Variants in EYA1 observed in about 807,000 individuals in gnomAD.
EYA1 encodes protein phosphatase EYA1.
EYA1 carries 16 observed loss-of-function variants against 82.0 expected under a neutral mutation model. The observed-to-expected ratio is 0.20, with a 90% confidence interval of 0.13 to 0.30. EYA1 has a LOEUF of 0.30. EYA1 is among the 10% of genes least tolerant of loss of function. The pLI, the probability that EYA1 is intolerant of heterozygous loss-of-function variation, is 1.00. For synonymous variants in EYA1, 261 were observed against 264.4 expected (o/e 0.99, Z 0.12); for missense variants, 633 against 730.7 (o/e 0.87, Z 1.54).
intron 9 of EYA1, among the ~76,000 whole-genome samples, chr8:71,277,885 A>T (rs1817384381): frequency 6.6e-6 from 1 of 152,270 alleles, no homozygotes; most frequent in Admixed American, 6.5e-5. Flanking sequence ...TTAAGAGCTC[A>T]TTTAAAAGTT....
At chr8:71,267,738 C>A (rs542864491) in intron 11 of EYA1, among the ~76,000 whole-genome samples, 71 of 152,108 alleles carry the variant, frequency 4.7e-4, no homozygotes, top group African/African-American at 1.5e-3. Context: ...TTAGTAGAGA[C>A]GGGGTTTCAC....
intron 2 of EYA1, among the ~76,000 whole-genome samples, chr8:71,478,427 A>T (rs534529430): frequency 1.8e-4 from 27 of 152,306 alleles, no homozygotes; most frequent in African/African-American, 6.3e-4. Flanking sequence ...ACAGAGAGGT[A>T]AAAAACAGAA....
intron 2 of EYA1, among the ~76,000 whole-genome samples, chr8:71,513,302 G>A (rs1035749437): frequency 3.3e-5 from 5 of 152,026 alleles, no homozygotes; most frequent in African/African-American, 1.2e-4. Context: ...TCTTGACAAT[G>A]TCAAAAGATT....
chr8:71,464,540 T>C (rs1354698890), intron 2 of EYA1, among the ~76,000 whole-genome samples: 1 of 152,196 alleles, frequency 6.6e-6, no homozygotes, highest in Non-Finnish European at 1.5e-5. Flanking sequence ...CCAATAGATA[T>C]AGACAGAAAA....
intron 2 of EYA1, among the ~76,000 whole-genome samples, chr8:71,505,085 T>A (rs1355985658): frequency 6.6e-6 from 1 of 152,196 alleles, no homozygotes; most frequent in African/African-American, 2.4e-5. Context: ...CCACCATGCC[T>A]ACCTGCCTCT....
At chr8:71,214,950 C>T (rs1164374726) in intron 16 of EYA1, among the ~76,000 whole-genome samples, 1 of 152,170 alleles carries the variant, frequency 6.6e-6, no homozygotes, top group Non-Finnish European at 1.5e-5. Flanking sequence ...AAAATGGAAA[C>T]TCAATTGATT....
chr8:71,328,466 A>G (rs970297479), intron 4 of EYA1, among the ~76,000 whole-genome samples: 10 of 152,064 alleles, frequency 6.6e-5, no homozygotes, highest in African/African-American at 2.4e-4. Flanking sequence ...GGAAAACAAG[A>G]TCCTTTACAG....
intron 17 of EYA1, among the ~76,000 whole-genome samples, chr8:71,210,416 G>T (rs1808358419): frequency 1.3e-5 from 2 of 152,176 alleles, no homozygotes; most frequent in Admixed American, 6.5e-5. Context: ...ACAGTGTAAG[G>T]TACAGGAGGG....
chr8:71,392,904 T>C (rs1000631847), intron 2 of EYA1, among the ~76,000 whole-genome samples: 1 of 152,186 alleles, frequency 6.6e-6, no homozygotes, highest in Non-Finnish European at 1.5e-5. Flanking sequence ...CATTTTTCTA[T>C]TTTATGTTTG....
At chr8:71,278,226 A>T (rs145015600) in intron 9 of EYA1, among the ~76,000 whole-genome samples, 115 of 152,330 alleles carry the variant, frequency 7.5e-4, no homozygotes, top group African/African-American at 2.1e-3. Flanking sequence ...TCTCTTAAGT[A>T]GATTAGTTAC....
chr8:71,274,889 C>A (rs929955263), intron 9 of EYA1, among the ~76,000 whole-genome samples: 21 of 145,336 alleles, frequency 1.4e-4, no homozygotes, highest in Non-Finnish European at 2.7e-4. Flanking sequence ...AGTGAGCGAG[C>A]GAGAGAGAGA....
At chr8:71,265,368 T>G (rs564235082) in intron 11 of EYA1, among the ~76,000 whole-genome samples, 1 of 152,348 alleles carries the variant, frequency 6.6e-6, no homozygotes, top group East Asian at 1.9e-4. Flanking sequence ...GCTGGGCATA[T>G]AGAAAGTTCT....
At chr8:71,395,807 A>G (rs1829570066) in intron 2 of EYA1, among the ~76,000 whole-genome samples, 1 of 152,186 alleles carries the variant, frequency 6.6e-6, no homozygotes, top group Non-Finnish European at 1.5e-5. Flanking sequence ...TGGCTTCATA[A>G]AAAGAATTAG....
At chr8:71,205,633 TAG>T (rs1807670668) in intron 17 of EYA1, among the ~76,000 whole-genome samples, 1 of 152,186 alleles carries the variant, frequency 6.6e-6, no homozygotes, top group Admixed American at 6.5e-5. Context: ...ATGCAAATTA[TAG>T]AGTTAAATTA....
At chr8:71,502,359 C>T (rs1811872402) in intron 2 of EYA1, among the ~76,000 whole-genome samples, 1 of 152,170 alleles carries the variant, frequency 6.6e-6, no homozygotes, top group Admixed American at 6.5e-5. Context: ...GGGAAATAAA[C>T]TGCCTGGCTT....
At chr8:71,544,793 CT>C (rs772234139) in intron 1 of EYA1, among the ~76,000 whole-genome samples, 9 of 152,302 alleles carry the variant, frequency 5.9e-5, no homozygotes, top group East Asian at 5.8e-4. Flanking sequence ...TCAAATTCTT[CT>C]GCAAATGGCC....
At chr8:71,210,229 G>GAGCATGATTATAATTGATCTCTTAAA in intron 17 of EYA1, among the ~76,000 whole-genome samples, 1 of 152,176 alleles carries the variant, frequency 6.6e-6, no homozygotes, top group Non-Finnish European at 1.5e-5. Flanking sequence ...AAATATAAGG[G>GAGCATGATTATAATTGATCTCTTAAA]AGCATGATTA....
At chr8:71,343,413 C>T (rs1421783079) in intron 3 of EYA1, among the ~76,000 whole-genome samples, 2 of 152,264 alleles carry the variant, frequency 1.3e-5, no homozygotes, top group African/African-American at 2.4e-5. Flanking sequence ...GGATCACAAG[C>T]GCTCCACCCT....
At chr8:71,372,653 G>A (rs1334983262) in intron 2 of EYA1, among the ~76,000 whole-genome samples, 1 of 152,090 alleles carries the variant, frequency 6.6e-6, no homozygotes, top group Non-Finnish European at 1.5e-5. Context: ...TGAAGATGAG[G>A]GAATTGATAC....
Sources: gnomAD v4.1 joint callset for allele counts (sites outside exome capture counted in the v4.1 genomes callset) on GRCh38, gnomAD v4.1.1 for gene constraint, MANE v1.5 for transcripts, NCBI Gene and HGNC (gene_info 2026-07-23, HGNC 2026-07-21) for gene names.